Variants in LYPD6 observed in about 807,000 individuals in gnomAD.
LYPD6 encodes the protein ly6/PLAUR domain-containing protein 6.
In LYPD6, 15 loss-of-function variants were observed where a neutral mutation model predicts 22.7. That is an observed-to-expected ratio of 0.66 (90% CI 0.44 to 1.02). The LOEUF is 1.02. LYPD6 is among the 50% of genes least tolerant of loss of function. The pLI, the probability that LYPD6 is intolerant of heterozygous loss-of-function variation, is 0.00. For missense variants in LYPD6, 189 were observed against 208.4 expected (o/e 0.91, Z 0.57); for synonymous variants, 72 against 77.5 (o/e 0.93, Z 0.37).
chr2:149,330,168 C>A (rs1680900480), upstream of LYPD6: 1 of 152,116 alleles, frequency 6.6e-6, no homozygotes, highest in South Asian at 2.1e-4. Flanking sequence ...AGGCTGGCGG[C>A]TAGGGAGAGG....
chr2:149,345,165 A>G (rs1681231110), intron 1 of LYPD6, among the ~76,000 whole-genome samples: 1 of 152,200 alleles, frequency 6.6e-6, no homozygotes, highest in South Asian at 2.1e-4. Flanking sequence ...TATTTTTCAT[A>G]TACTTATTGT....
intron 2 of LYPD6, among the ~76,000 whole-genome samples, chr2:149,446,000 T>C (rs56123137): frequency 0.29 from 43,656 of 152,032 alleles, 8,005 homozygotes; most frequent in African/African-American, 0.53. Context: ...CTTCCTTTCA[T>C]CTTAACACTT....
intron 1 of LYPD6, among the ~76,000 whole-genome samples, chr2:149,401,048 G>A (rs1682543572): frequency 6.6e-6 from 1 of 152,180 alleles, no homozygotes; most frequent in Non-Finnish European, 1.5e-5. Context: ...GAAGGACAAA[G>A]AAGGAAAAGC....
chr2:149,387,645 A>G (rs1290614211), intron 1 of LYPD6, among the ~76,000 whole-genome samples: 1 of 152,184 alleles, frequency 6.6e-6, no homozygotes, highest in Non-Finnish European at 1.5e-5. Context: ...GTGGAGTTCT[A>G]GAGGGGGAAT....
chr2:149,417,036 T>C (rs1196645), intron 1 of LYPD6, among the ~76,000 whole-genome samples: 151 of 152,282 alleles, frequency 9.9e-4, no homozygotes, highest in African/African-American at 3.4e-3. Context: ...GTAGCAATGC[T>C]GGCTGGGGCT....
chr2:149,410,468 T>C (rs899261455), intron 1 of LYPD6, among the ~76,000 whole-genome samples: 140 of 152,294 alleles, frequency 9.2e-4, no homozygotes, highest in African/African-American at 3.1e-3. Context: ...CATAGGATTC[T>C]AGTGCTGTGA....
chr2:149,390,167 C>G (rs898791718), intron 1 of LYPD6, among the ~76,000 whole-genome samples: 1 of 152,136 alleles, frequency 6.6e-6, no homozygotes, highest in African/African-American at 2.4e-5. Context: ...CATATATTGA[C>G]CTTGAAAGAA....
intron 1 of LYPD6, among the ~76,000 whole-genome samples, chr2:149,342,464 C>T (rs1339900703): frequency 6.6e-6 from 1 of 151,990 alleles, no homozygotes; most frequent in East Asian, 1.9e-4. Flanking sequence ...ATGGTGGCTA[C>T]CTAGTTATGG....
intron 1 of LYPD6, among the ~76,000 whole-genome samples, chr2:149,383,653 A>G (rs961917062): frequency 3.9e-5 from 6 of 152,238 alleles, no homozygotes; most frequent in Non-Finnish European, 8.8e-5. Context: ...TAAAAACCAT[A>G]GAAAGAACCA....
At chr2:149,427,595 C>T (rs1296717647) in intron 1 of LYPD6, among the ~76,000 whole-genome samples, 1 of 152,212 alleles carries the variant, frequency 6.6e-6, no homozygotes, top group Non-Finnish European at 1.5e-5. Context: ...AGAGTAAATA[C>T]ATCCTTTAGA....
intron 1 of LYPD6, among the ~76,000 whole-genome samples, chr2:149,356,989 C>A (rs1260031625): frequency 2.0e-5 from 3 of 152,206 alleles, no homozygotes; most frequent in Non-Finnish European, 4.4e-5. Context: ...TGCAACTCTT[C>A]AAAAATTTAC....
chr2:149,368,548 A>G (rs1252161269), intron 1 of LYPD6, among the ~76,000 whole-genome samples: 1 of 152,186 alleles, frequency 6.6e-6, no homozygotes, highest in East Asian at 1.9e-4. Context: ...ATAAAAAATA[A>G]AAAGATGAGA....
chr2:149,434,964 C>T (rs940295421), intron 1 of LYPD6, among the ~76,000 whole-genome samples: 4 of 152,256 alleles, frequency 2.6e-5, no homozygotes, highest in African/African-American at 9.6e-5. Flanking sequence ...AAATGTGTGC[C>T]CCCAAAATTC....
At chr2:149,368,498 A>C (rs1007606833) in intron 1 of LYPD6, among the ~76,000 whole-genome samples, 2 of 152,124 alleles carry the variant, frequency 1.3e-5, no homozygotes, top group African/African-American at 4.8e-5. Flanking sequence ...GCACCACTGC[A>C]CTCCAGCCTG....
chr2:149,394,420 C>A (rs1354027105), intron 1 of LYPD6, among the ~76,000 whole-genome samples: 1 of 152,158 alleles, frequency 6.6e-6, no homozygotes, highest in Non-Finnish European at 1.5e-5. Flanking sequence ...CCGTATTTAA[C>A]ACCTCAAAAT....
At chr2:149,402,656 A>G (rs80137136) in intron 1 of LYPD6, among the ~76,000 whole-genome samples, 30 of 151,732 alleles carry the variant, frequency 2.0e-4, no homozygotes, top group African/African-American at 5.8e-4. Flanking sequence ...TTTTCCATAT[A>G]CTTGTTGGCT....
Position 149,435,781 on chromosome 2 carries a change from T to G in LYPD6, c.-71-1857T>G, listed in dbSNP as rs41399652. Among the ~76,000 whole-genome samples the G allele has an allele frequency of 4.9e-3, 741 of 152,302 alleles. 6 individuals carry two copies. Among genetic ancestry groups the G allele is most frequent in the African/African-American group, 0.017 (696 of 41,568 alleles). On this transcript the variant is annotated intron_variant, in intron 1 of 4. Coordinates refer to ENST00000334166, the MANE Select transcript of LYPD6 (RefSeq NM_194317.5). ...GCCAGGTTTGCTTGGGGAATTAAAT[T>G]GTAAACAGAAGATGGCGTAGTGAGC...
intron 1 of LYPD6, among the ~76,000 whole-genome samples, chr2:149,408,765 T>G (rs1240634542): frequency 6.6e-6 from 1 of 152,210 alleles, no homozygotes; most frequent in East Asian, 1.9e-4. Flanking sequence ...GTGTGATTGT[T>G]TTTTATTTAT....
At chr2:149,373,150 G>A (rs140496716) in intron 1 of LYPD6, among the ~76,000 whole-genome samples, 111 of 152,246 alleles carry the variant, frequency 7.3e-4, no homozygotes, top group African/African-American at 2.6e-3. Flanking sequence ...TTTGTGGGGT[G>A]CAGGAGAAGG....
Sources: allele counts gnomAD v4.1 joint callset (sites outside exome capture counted in the v4.1 genomes callset), GRCh38; gene constraint gnomAD v4.1.1; transcripts MANE v1.5; gene names NCBI Gene and HGNC (gene_info 2026-07-23, HGNC 2026-07-21).